The following KIF13A variants were observed in gnomAD, a reference collection of about 807,000 sequenced individuals.
KIF13A encodes kinesin-like protein KIF13A.
A neutral mutation model predicts 212.2 loss-of-function variants in KIF13A; 79 were observed. The ratio of observed to expected loss-of-function variants is 0.37; its 90% CI spans 0.31 to 0.45. The LOEUF (loss-of-function observed/expected upper bound fraction) is 0.45. Among genes scored for constraint, KIF13A ranks in the 20% least tolerant of loss-of-function variants. The pLI, the probability that KIF13A is intolerant of heterozygous loss-of-function variation, is 1.00. For missense variants in KIF13A, 1,901 were observed against 2,209.0 expected (o/e 0.86, Z 2.79); for synonymous variants, 789 against 808.6 (o/e 0.98, Z 0.41).
At chr6:17,833,114 T>C (rs1765604827) in intron 12 of KIF13A, among the ~76,000 whole-genome samples, 1 of 151,540 alleles carries the variant, frequency 6.6e-6, no homozygotes, top group Admixed American at 6.6e-5. Flanking sequence ...ACCATGCTTG[T>C]TCAAATTTAG....
chr6:17,876,197 C>A (rs934401485), intron 3 of KIF13A, among the ~76,000 whole-genome samples: 14 of 152,110 alleles, frequency 9.2e-5, no homozygotes, highest in African/African-American at 2.9e-4. Context: ...GTCCAAACAG[C>A]AAATTACAAA....
At chr6:17,808,630 G>T in intron 18 of KIF13A, 138 bp downstream of exon 18, 3 of 723,248 alleles carry the variant, frequency 4.1e-6, no homozygotes, top group Non-Finnish European at 6.5e-6. Context: ...GGTATATAAA[G>T]AATGTCTTGA....
At position 17,817,064 on chromosome 6, in the gene KIF13A, G is replaced by C; in HGVS notation, c.1956C>G (p.Ser652Arg). Residue 652 changes from serine to arginine, a missense_variant, in exon 17 of 39, where the codon AGC (serine) becomes AGG (arginine). Ser to Arg is a moderately radical substitution (Grantham distance 110). Transcript: ENST00000259711. Reference protein sequence around the residue: ...QSSGPDRLAYSSQTAQQKVTQ... With the variant: ...QSSGPDRLAYRSQTAQQKVTQ... ...TCACCTTCTGCTGCGCTGTCTGGCT[G>C]CTGTAGGCCAGGCGGTCAGGGCCGC... 6.2e-7 allele frequency: 1 copy of C among 1,613,480 alleles called. No individual in the cohort carries two copies. The highest frequency in any genetic ancestry group is 8.5e-7 in the Non-Finnish European group (1 of 1,179,856).
In KIF13A at chr6:17,987,587, C is replaced by T. The variant is rs1462637318; in HGVS notation, c.-124G>A. 5 of 394,326 alleles carry T rather than the reference C, an allele frequency of 1.3e-5. No homozygotes were observed. Among genetic ancestry groups the T allele is most frequent in the Admixed American group, 6.7e-5 (1 of 14,972 alleles). 24.4% of individuals were successfully genotyped at this position (394,326 alleles called of 1,614,324 possible). On this transcript the variant is annotated 5_prime_UTR_variant, in exon 1 of 39. Transcript: ENST00000259711. This position sits in a 1 kb window ranked among gnomAD's most constrained non-coding sequence, Gnocchi z 7.7. ...GCGGCCGCCGCCGCTCCGCCGTGAG[C>T]TCCGAGAGGCAGCGCCGAGGCGCGC... is the stretch of plus-strand genomic sequence containing the variant.
chr6:17,858,081 A>ATGTGTGTG lies in KIF13A; in HGVS notation c.221-1967_221-1960dup, dbSNP rs58092993. Among the ~76,000 whole-genome samples, 675 of 144,662 alleles carry ATGTGTGTG rather than the reference A, an allele frequency of 4.7e-3. 2 individuals carry two copies. The highest frequency in any genetic ancestry group is 0.017 in the African/African-American group (646 of 37,628). The allele number at this position is 144,662 out of a possible 152,430, so 94.9% of individuals were successfully genotyped here. A position where few individuals can be genotyped will look rare whatever the true frequency, so the allele number is the denominator to read the frequency against. On this transcript the variant is annotated intron_variant, in intron 4 of 38. Coordinates refer to ENST00000259711, the MANE Select transcript of KIF13A (RefSeq NM_022113.6). ...ATGTAAAACCTTATGTCAAATAGTT[A>ATGTGTGTG]TGTGTGTGTGTGTGTGTGTGTGTGT...
intron 2 of KIF13A, among the ~76,000 whole-genome samples, chr6:17,954,232 C>T (rs1161863179): frequency 2.7e-5 from 4 of 147,370 alleles, no homozygotes; most frequent in East Asian, 2.0e-4. Flanking sequence ...ACCTGGGAGG[C>T]GGGCTTGCTT....
At chr6:17,952,652 C>A (rs565313327) in intron 2 of KIF13A, among the ~76,000 whole-genome samples, 1 of 151,908 alleles carries the variant, frequency 6.6e-6, no homozygotes, top group African/African-American at 2.4e-5. Context: ...AAAGAAAAGC[C>A]GGGCGTGGTG....
In KIF13A at chr6:17,897,589, A is replaced by G. The variant is rs1365511068; in HGVS notation, c.159+579T>C. Among the ~76,000 whole-genome samples, 1 of 152,240 alleles carries G rather than the reference A, an allele frequency of 6.6e-6. No individual in the cohort carries two copies. The highest frequency in any genetic ancestry group is 2.4e-5 in the African/African-American group (1 of 41,466). On this transcript the variant is annotated intron_variant, in intron 3 of 38. Coordinates refer to ENST00000259711, the MANE Select transcript of KIF13A (RefSeq NM_022113.6). This position sits in a 1 kb window ranked among gnomAD's most constrained non-coding sequence, Gnocchi z 4.8. ...AAGGTTGGCCAGAGCAGGTGGGGAA[A>G]AAACTAACTAGTGGCCATTGTGATG...
Position 17,773,927 on chromosome 6 carries a change from T to A in KIF13A, c.4219-344A>T, listed in dbSNP as rs1312932536. On this transcript the variant is annotated intron_variant, in intron 35 of 38. Coordinates refer to ENST00000259711, the MANE Select transcript of KIF13A (RefSeq NM_022113.6). The surrounding 1 kb of genome is among the most constrained non-coding windows in gnomAD (Gnocchi z 4.2). ...ATATACCCAGAGTGACTTGATAATTTAATGACCAAACTGAAACACTCTCAA... is the reference window on the plus strand; with the variant it reads ...ATATACCCAGAGTGACTTGATAATTAAATGACCAAACTGAAACACTCTCAA... Among the ~76,000 whole-genome samples, 1 of 152,198 alleles carries A rather than the reference T, an allele frequency of 6.6e-6. No individual in the cohort carries two copies. Among genetic ancestry groups the A allele is most frequent in the Non-Finnish European group, 1.5e-5 (1 of 68,038 alleles).
intron 11 of KIF13A, 123 bp downstream of exon 11, chr6:17,836,755 T>C (rs943115166): frequency 1.1e-5 from 9 of 845,842 alleles, no homozygotes; most frequent in Non-Finnish European, 1.7e-5. Flanking sequence ...AACATGAGAT[T>C]TGGGTAGAGA....
At chr6:17,944,798 T>C (rs1207443265) in intron 2 of KIF13A, among the ~76,000 whole-genome samples, 1 of 152,030 alleles carries the variant, frequency 6.6e-6, no homozygotes, top group Non-Finnish European at 1.5e-5. Context: ...AAATGAAAGA[T>C]ATAAACACCA....
chr6:17,785,674 A>C lies in KIF13A; in HGVS notation c.3362-33T>G. The C allele has an allele frequency of 6.3e-7, 1 of 1,586,044 alleles. No homozygotes were observed. Among genetic ancestry groups the C allele is most frequent in the Non-Finnish European group, 8.6e-7 (1 of 1,165,684 alleles). ...AAAAAATGAGGAGATCAATGCCAAC[A>C]AGAGAGAAAGTATGACTTCTCAGTT... On this transcript the variant is annotated intron_variant, in intron 27 of 38. Transcript: ENST00000259711. The surrounding 1 kb of genome is among the most constrained non-coding windows in gnomAD (Gnocchi z 5.8).
rs1303395967 is a variant in KIF13A at position 17,764,166 on chromosome 6, C to A, written c.5362G>T (p.Glu1788Ter). Residue 1788 changes from glutamate to a stop codon, truncating the protein, a stop_gained, in exon 39 of 39, where the codon GAG becomes TAG. Coordinates refer to ENST00000259711, the MANE Select transcript of KIF13A (RefSeq NM_022113.6). LOFTEE classifies it low-confidence loss of function (END_TRUNC). This position sits in a 1 kb window ranked among gnomAD's most constrained non-coding sequence, Gnocchi z 5.1. ...TCTGGAATTATTACCTGGTCATTCT[C>A]TAACTTGGAATGCAGCTGGCTGGGG... ...HHPSQLHSKL[E>*]NDQVIIPEAA... 2 of 1,613,898 alleles carry A rather than the reference C, an allele frequency of 1.2e-6. No individual in the cohort carries two copies. The highest frequency in any genetic ancestry group is 1.7e-6 in the Non-Finnish European group (2 of 1,179,908).
Position 17,918,796 on chromosome 6 carries a change from C to T in KIF13A, c.147-20616G>A, listed in dbSNP as rs1774769815. ...GAGGCTGCCTGCACCACCTCCATCCCACCTGCATCCTGCTTGGCCCTGTCA... is the reference window on the plus strand; with the variant it reads ...GAGGCTGCCTGCACCACCTCCATCCTACCTGCATCCTGCTTGGCCCTGTCA... On this transcript the variant is annotated intron_variant, in intron 2 of 38. Coordinates refer to ENST00000259711, the MANE Select transcript of KIF13A (RefSeq NM_022113.6). The surrounding 1 kb of genome is among the most constrained non-coding windows in gnomAD (Gnocchi z 4.8). Among the ~76,000 whole-genome samples the T allele has an allele frequency of 6.6e-6, 1 of 152,168 alleles. No homozygotes were observed. Among genetic ancestry groups the T allele is most frequent in the Non-Finnish European group, 1.5e-5 (1 of 68,032 alleles).
At chr6:17,902,379 G>A (rs1773127178) in intron 2 of KIF13A, among the ~76,000 whole-genome samples, 1 of 152,128 alleles carries the variant, frequency 6.6e-6, no homozygotes, top group Non-Finnish European at 1.5e-5. Context: ...AATACAATTT[G>A]ACATTTTAGA....
chr6:17,951,129 C>T lies in KIF13A; in HGVS notation c.146+35925G>A. The T allele has an allele frequency of 8.4e-7, 1 of 1,197,090 alleles. No homozygotes were observed. The highest frequency in any genetic ancestry group is 3.3e-4 in the Middle Eastern group (1 of 3,054). The allele number at this position is 1,197,090 out of a possible 1,614,324, so 74.2% of individuals were successfully genotyped here. ...CCATCCATTTATTCATATGTGGGGT[C>T]TGATGCAATTCACCTCACGCCACTT... On this transcript the variant is annotated intron_variant, in intron 2 of 38. Coordinates refer to ENST00000259711, the MANE Select transcript of KIF13A (RefSeq NM_022113.6). This position sits in a 1 kb window ranked among gnomAD's most constrained non-coding sequence, Gnocchi z 4.9.
chr6:17,775,002 C>T lies in KIF13A; in HGVS notation c.4218+13G>A, dbSNP rs777933544. On this transcript the variant is annotated intron_variant, in intron 35 of 38. Coordinates refer to ENST00000259711, the MANE Select transcript of KIF13A (RefSeq NM_022113.6). ...ATTCTACTAAAAACCTAGCCATGCCCATAGGTGCATACCTTGTCATCTTCA... is the reference window on the plus strand; with the variant it reads ...ATTCTACTAAAAACCTAGCCATGCCTATAGGTGCATACCTTGTCATCTTCA... 3.7e-6 allele frequency: 6 copies of T among 1,605,486 alleles called. No homozygotes were observed. The Admixed American group carries it at 6.8e-5, about 18-fold the overall frequency.
rs1025033065 is a variant in KIF13A, at chr6:17,895,644, T to A, written c.159+2524A>T. On this transcript the variant is annotated intron_variant, in intron 3 of 38. Transcript: ENST00000259711. The surrounding 1 kb of genome is among the most constrained non-coding windows in gnomAD (Gnocchi z 4.4). ...GAAGGACTTGAACTCCAGTACTTTG[T>A]CCTCCTCAGCCCCACAAAGCAGTCA... 1.3e-5 allele frequency among the ~76,000 whole-genome samples: 2 copies of A among 152,220 alleles called. No individual in the cohort carries two copies. Among genetic ancestry groups the A allele is most frequent in the Non-Finnish European group, 2.9e-5 (2 of 68,042 alleles).
At chr6:17,891,987 C>T (rs1249274790) in intron 3 of KIF13A, among the ~76,000 whole-genome samples, 2 of 152,142 alleles carry the variant, frequency 1.3e-5, no homozygotes, top group Admixed American at 6.6e-5. Context: ...GATACCTCTT[C>T]CTCCACTTCC....
Sources: gnomAD v4.1 joint callset for allele counts (sites outside exome capture counted in the v4.1 genomes callset) on GRCh38, gnomAD v4.1.1 for gene constraint, Gnocchi (gnomAD v3.1) non-coding constraint, MANE v1.5 for transcripts, NCBI Gene and HGNC (gene_info 2026-07-23, HGNC 2026-07-21) for gene names.